Variants in TAFA5 observed in about 807,000 individuals in gnomAD.
The protein encoded by TAFA5 is chemokine-like protein TAFA-5.
A neutral mutation model predicts 15.3 loss-of-function variants in TAFA5; 6 were observed. That is an observed-to-expected ratio of 0.39 (90% CI 0.21 to 0.77). The LOEUF is 0.77. TAFA5 is among the 30% of genes least tolerant of loss of function. The pLI is 0.41. For synonymous variants in TAFA5, 103 were observed against 80.7 expected (o/e 1.28, Z -1.48); for missense variants, 161 against 193.1 (o/e 0.83, Z 0.98).
intron 1 of TAFA5, among the ~76,000 whole-genome samples, chr22:48,567,656 A>G (rs1923453530): frequency 6.6e-6 from 1 of 152,074 alleles, no homozygotes; most frequent in South Asian, 2.1e-4. Context: ...TCCTGTCCAC[A>G]TTCACTCAGA....
At chr22:48,622,017 C>T (rs1335468567) in intron 1 of TAFA5, among the ~76,000 whole-genome samples, 1 of 152,100 alleles carries the variant, frequency 6.6e-6, no homozygotes, top group East Asian at 1.9e-4. Flanking sequence ...AGCCAGGGCC[C>T]AGGTATTTCT....
chr22:48,624,335 GC>G (rs1925953205), intron 1 of TAFA5, among the ~76,000 whole-genome samples: 1 of 152,282 alleles, frequency 6.6e-6, no homozygotes, highest in African/African-American at 2.4e-5. Context: ...TCAGGTTCCT[GC>G]CCTGTGAGGT....
intron 2 of TAFA5, among the ~76,000 whole-genome samples, chr22:48,702,844 G>A (rs538417044): frequency 3.5e-4 from 53 of 152,346 alleles, no homozygotes; most frequent in African/African-American, 9.9e-4. Context: ...GCCTCTGACC[G>A]TCTCCAGCAG....
intron 1 of TAFA5, among the ~76,000 whole-genome samples, chr22:48,549,518 G>A (rs1922789460): frequency 6.6e-6 from 1 of 152,224 alleles, no homozygotes; most frequent in Non-Finnish European, 1.5e-5. Context: ...TATTCATGTG[G>A]TGGCATTTGG....
At chr22:48,562,283 G>A (rs962978081) in intron 1 of TAFA5, among the ~76,000 whole-genome samples, 4 of 151,556 alleles carry the variant, frequency 2.6e-5, no homozygotes, top group African/African-American at 7.2e-5. Context: ...GACTACAGGC[G>A]CCCGCCACTA....
At chr22:48,542,216 G>C (rs549227249) in intron 1 of TAFA5, among the ~76,000 whole-genome samples, 1 of 147,664 alleles carries the variant, frequency 6.8e-6, no homozygotes, top group East Asian at 2.0e-4. Flanking sequence ...TGTACATGAT[G>C]TGTGGTGTGT....
chr22:48,589,195 G>A (rs1014709416), intron 1 of TAFA5, among the ~76,000 whole-genome samples: 3 of 152,220 alleles, frequency 2.0e-5, no homozygotes, highest in Non-Finnish European at 2.9e-5. Context: ...TGGCATGCAC[G>A]TATTGAGTAC....
At chr22:48,493,673 T>G (rs1439480101) in intron 1 of TAFA5, among the ~76,000 whole-genome samples, 3 of 152,228 alleles carry the variant, frequency 2.0e-5, no homozygotes, top group East Asian at 3.8e-4. Context: ...GATGTTTGTT[T>G]TTTTTCAGCT....
intron 2 of TAFA5, among the ~76,000 whole-genome samples, chr22:48,688,648 A>G (rs1569079859): frequency 6.6e-6 from 1 of 152,154 alleles, no homozygotes; most frequent in Non-Finnish European, 1.5e-5. Context: ...CTTAGCTGAA[A>G]GGAGAGTCTT....
At chr22:48,686,833 TGATG>T (rs1193526708) in intron 2 of TAFA5, among the ~76,000 whole-genome samples, 27 of 141,880 alleles carry the variant, frequency 1.9e-4, no homozygotes, top group Admixed American at 1.2e-3. Context: ...ATGGACTGAT[TGATG>T]GATGGATGGA....
intron 1 of TAFA5, among the ~76,000 whole-genome samples, chr22:48,507,575 G>T (rs995633821): frequency 1.3e-5 from 2 of 152,216 alleles, no homozygotes; most frequent in African/African-American, 2.4e-5. Flanking sequence ...CCCCAGAGTT[G>T]CTTCCGTGGC....
chr22:48,741,391 G>T (rs899077167), intron 3 of TAFA5, among the ~76,000 whole-genome samples: 1 of 152,240 alleles, frequency 6.6e-6, no homozygotes, highest in Non-Finnish European at 1.5e-5. Context: ...TGCGTCGGGC[G>T]TGGAGGGGAA....
chr22:48,727,440 T>C (rs561739535), intron 3 of TAFA5, among the ~76,000 whole-genome samples: 3 of 152,296 alleles, frequency 2.0e-5, no homozygotes, highest in Non-Finnish European at 4.4e-5. Context: ...TGCATTTGCT[T>C]AACATAAAAG....
rs1428448199 is a variant in TAFA5, at chr22:48,490,093, T to G, written c.112+389T>G. ...GGGCGGGCGGCGCTGCCGGGGTGTC[T>G]GCGGAGCGCCCTCCCCGTGCCTCAG... On this transcript the variant is annotated intron_variant, in intron 1 of 3. Transcript: ENST00000402357. This position sits in a 1 kb window ranked among gnomAD's most constrained non-coding sequence, Gnocchi z 5.8. Among the ~76,000 whole-genome samples the G allele has an allele frequency of 2.0e-5, 3 of 152,086 alleles. No individual in the cohort carries two copies. The highest frequency in any genetic ancestry group is 3.9e-4 in the East Asian group (2 of 5,116).
chr22:48,648,083 GTGGACTTC>G (rs1247390597), intron 2 of TAFA5, among the ~76,000 whole-genome samples: 1 of 152,192 alleles, frequency 6.6e-6, no homozygotes, highest in Non-Finnish European at 1.5e-5. Context: ...CCAGTCCTTG[GTGGACTTC>G]AGGGCAGCTA....
At chr22:48,717,969 G>C (rs890641249) in intron 3 of TAFA5, among the ~76,000 whole-genome samples, 1 of 152,230 alleles carries the variant, frequency 6.6e-6, no homozygotes, top group Non-Finnish European at 1.5e-5. Flanking sequence ...TCTGTCCTGC[G>C]TGTGGTGGGG....
chr22:48,730,440 GCAA>G (rs1929839279), intron 3 of TAFA5, among the ~76,000 whole-genome samples: 1 of 152,066 alleles, frequency 6.6e-6, no homozygotes. Flanking sequence ...GCCAACATGA[GCAA>G]CAAAAGTGCG....
At chr22:48,744,385 T>G (rs1484488305) in intron 3 of TAFA5, among the ~76,000 whole-genome samples, 2 of 152,162 alleles carry the variant, frequency 1.3e-5, no homozygotes. Context: ...AGGAGATGTT[T>G]TTGGAGTCTC....
At chr22:48,601,268 G>T (rs1924961712) in intron 1 of TAFA5, among the ~76,000 whole-genome samples, 1 of 152,124 alleles carries the variant, frequency 6.6e-6, no homozygotes, top group Non-Finnish European at 1.5e-5. Context: ...GGAGGCTTCT[G>T]TCTCTCTCCA....
Sources: gnomAD v4.1 joint callset for allele counts (sites outside exome capture counted in the v4.1 genomes callset) on GRCh38, gnomAD v4.1.1 for gene constraint, Gnocchi (gnomAD v3.1) non-coding constraint, MANE v1.5 for transcripts, NCBI Gene and HGNC (gene_info 2026-07-23, HGNC 2026-07-21) for gene names.